The following MVB12B variants were observed in gnomAD, a reference collection of about 807,000 sequenced individuals.
MVB12B encodes multivesicular body subunit 12B, also known as ESCRT-I complex subunit MVB12B.
Under a neutral mutation model 41.6 loss-of-function variants are expected in MVB12B, and 16 were observed. That is an observed-to-expected ratio of 0.38 (90% CI 0.26 to 0.58). The LOEUF (loss-of-function observed/expected upper bound fraction) is 0.58, where lower values mean the gene tolerates loss of function less well. MVB12B is among the 20% of genes least tolerant of loss of function. MVB12B has a pLI of 0.62. For synonymous variants in MVB12B, 133 were observed against 139.7 expected (o/e 0.95, Z 0.34); for missense variants, 274 against 380.2 (o/e 0.72, Z 2.32).
intron 7 of MVB12B, among the ~76,000 whole-genome samples, chr9:126,424,404 G>A (rs1832112140): frequency 6.6e-6 from 1 of 152,054 alleles, no homozygotes; most frequent in Admixed American, 6.6e-5. Flanking sequence ...CTCATGATGT[G>A]GTCATGGAAG....
chr9:126,431,069 A>G (rs550489867), intron 7 of MVB12B, among the ~76,000 whole-genome samples: 1 of 152,372 alleles, frequency 6.6e-6, no homozygotes, highest in South Asian at 2.1e-4. Flanking sequence ...GAATTATCAC[A>G]TGGGACACGC....
At chr9:126,346,508 G>A (rs550438658) in intron 2 of MVB12B, among the ~76,000 whole-genome samples, 1 of 152,196 alleles carries the variant, frequency 6.6e-6, no homozygotes, top group Admixed American at 6.5e-5. Context: ...GGAGACTCTT[G>A]GGTCAGTTTT....
chr9:126,373,176 A>C (rs1830388719), intron 2 of MVB12B, among the ~76,000 whole-genome samples: 1 of 152,218 alleles, frequency 6.6e-6, no homozygotes, highest in African/African-American at 2.4e-5. Flanking sequence ...GGTATAAGAA[A>C]ATGATGCAAA....
rs1031021696 is a variant in MVB12B, at chr9:126,340,692, G to T, written c.204+62G>T. The stretch of plus-strand genomic sequence containing the variant: ...GATTCTACAAGTATTTATCTCCTGT[G>T]TCCAAGACCTTCTGGCCCTTGCGTG... On this transcript the variant is annotated intron_variant, in intron 2 of 9. Coordinates refer to ENST00000361171, the MANE Select transcript of MVB12B (RefSeq NM_033446.3). The surrounding 1 kb of genome is among the most constrained non-coding windows in gnomAD (Gnocchi z 4.0). The T allele has an allele frequency of 1.9e-6, 3 of 1,580,698 alleles. No individual in the cohort carries two copies. The highest frequency in any genetic ancestry group is 2.6e-6 in the Non-Finnish European group (3 of 1,154,210).
intron 2 of MVB12B, among the ~76,000 whole-genome samples, chr9:126,373,015 T>A (rs959545384): frequency 2.9e-4 from 44 of 151,884 alleles, no homozygotes; most frequent in African/African-American, 1.1e-3. Context: ...CCCAGAGGGG[T>A]GCAAGGCCAA....
chr9:126,463,466 C>T (rs1182630467), intron 7 of MVB12B, among the ~76,000 whole-genome samples: 15 of 152,164 alleles, frequency 9.9e-5, no homozygotes, highest in Admixed American at 9.8e-4. Flanking sequence ...GAAGAGATGA[C>T]CTGGTTCGAA....
At chr9:126,432,527 A>C (rs970739376) in intron 7 of MVB12B, among the ~76,000 whole-genome samples, 1 of 152,262 alleles carries the variant, frequency 6.6e-6, no homozygotes, top group Non-Finnish European at 1.5e-5. Context: ...AAATGGATTA[A>C]ATTAATTAAA....
At chr9:126,385,051 G>A (rs1371480247) in intron 3 of MVB12B, among the ~76,000 whole-genome samples, 1 of 151,854 alleles carries the variant, frequency 6.6e-6, no homozygotes, top group Non-Finnish European at 1.5e-5. Context: ...TTCCCAGGCT[G>A]GTCTCAAACT....
intron 6 of MVB12B, among the ~76,000 whole-genome samples, chr9:126,413,095 C>T (rs1336978322): frequency 1.3e-5 from 2 of 152,340 alleles, no homozygotes; most frequent in African/African-American, 4.8e-5. Flanking sequence ...ATATTCCATA[C>T]ACAGATCCCG....
chr9:126,392,343 C>A lies in MVB12B; in HGVS notation c.539+148C>A. Reference sequence around the variant, plus strand: ...CAGCCCAGTGCTCCTCGCTGCCCTTCCTGCTCAGCTGCGGTCTCTCTGAGC... The same window carrying A: ...CAGCCCAGTGCTCCTCGCTGCCCTTACTGCTCAGCTGCGGTCTCTCTGAGC... On this transcript the variant is annotated intron_variant, in intron 5 of 9. Transcript: ENST00000361171. The surrounding 1 kb of genome is among the most constrained non-coding windows in gnomAD (Gnocchi z 4.8). 2.2e-6 allele frequency: 2 copies of A among 928,346 alleles called. No individual in the cohort carries two copies. The highest frequency in any genetic ancestry group is 3.3e-6 in the Non-Finnish European group (2 of 614,760). 57.5% of individuals were successfully genotyped at this position (928,346 alleles called of 1,614,324 possible). A position where few individuals can be genotyped will look rare whatever the true frequency, so the allele number is the denominator to read the frequency against.
chr9:126,345,145 G>A (rs760699900), intron 2 of MVB12B, among the ~76,000 whole-genome samples: 2 of 152,164 alleles, frequency 1.3e-5, no homozygotes, highest in Non-Finnish European at 2.9e-5. Flanking sequence ...CAGCTGTGGT[G>A]GGGGTCCAGG....
chr9:126,382,244 C>T (rs1830657573), intron 3 of MVB12B, among the ~76,000 whole-genome samples: 1 of 152,126 alleles, frequency 6.6e-6, no homozygotes, highest in African/African-American at 2.4e-5. Context: ...TTGGTGTTTT[C>T]TGAATATCGA....
intron 7 of MVB12B, among the ~76,000 whole-genome samples, chr9:126,453,794 T>C (rs1005354626): frequency 5.3e-5 from 8 of 152,168 alleles, no homozygotes; most frequent in East Asian, 3.9e-4. Flanking sequence ...TGTGCACACA[T>C]GACACGTGTG....
chr9:126,365,930 CA>C (rs899238040), intron 2 of MVB12B, among the ~76,000 whole-genome samples: 1 of 152,138 alleles, frequency 6.6e-6, no homozygotes, highest in Non-Finnish European at 1.5e-5. Flanking sequence ...AAAATGAAAA[CA>C]GGGGTAGCAG....
intron 2 of MVB12B, among the ~76,000 whole-genome samples, chr9:126,364,311 G>A (rs183598638): frequency 2.0e-5 from 3 of 152,276 alleles, no homozygotes; most frequent in East Asian, 1.9e-4. Flanking sequence ...AACGGCGCGA[G>A]TTCAACTTGT....
chr9:126,501,282 C>T (rs1341504604), intron 9 of MVB12B, among the ~76,000 whole-genome samples: 5 of 152,342 alleles, frequency 3.3e-5, no homozygotes, highest in Admixed American at 3.3e-4. Flanking sequence ...TCTACCATCG[C>T]TCATTCCATC....
At chr9:126,452,681 T>C (rs1832907348) in intron 7 of MVB12B, among the ~76,000 whole-genome samples, 1 of 152,144 alleles carries the variant, frequency 6.6e-6, no homozygotes, top group Non-Finnish European at 1.5e-5. Flanking sequence ...ATTTCCCCCA[T>C]GCCTTTGATC....
chr9:126,454,722 T>C (rs1832945562), intron 7 of MVB12B, among the ~76,000 whole-genome samples: 1 of 152,178 alleles, frequency 6.6e-6, no homozygotes, highest in Non-Finnish European at 1.5e-5. Context: ...TGTTAAGCAC[T>C]GCATAATGTG....
intron 2 of MVB12B, among the ~76,000 whole-genome samples, chr9:126,343,281 C>T (rs1461813461): frequency 1.3e-5 from 2 of 152,196 alleles, no homozygotes; most frequent in African/African-American, 4.8e-5. Flanking sequence ...GTGACTGGTG[C>T]TTCTCTCCCC....
Sources: gnomAD v4.1 joint callset for allele counts (sites outside exome capture counted in the v4.1 genomes callset) on GRCh38, gnomAD v4.1.1 for gene constraint, Gnocchi (gnomAD v3.1) non-coding constraint, MANE v1.5 for transcripts, NCBI Gene and HGNC (gene_info 2026-07-23, HGNC 2026-07-21) for gene names.